The following DCD variants were observed in gnomAD, a reference collection of about 807,000 sequenced individuals.
The protein encoded by DCD is diffusible survival/evasion peptide.
A neutral mutation model predicts 14.5 loss-of-function variants in DCD; 17 were observed. That is an observed-to-expected ratio of 1.18 (90% CI 0.81 to 1.76). The LOEUF (loss-of-function observed/expected upper bound fraction) is 1.76. DCD is among the 40% of genes most tolerant of loss of function. The pLI, the probability that DCD is intolerant of heterozygous loss-of-function variation, is 0.00. For synonymous variants in DCD, 64 were observed against 54.0 expected (o/e 1.19, Z -0.82); for missense variants, 139 against 133.4 (o/e 1.04, Z -0.21).
chr12:54,645,530 A>C (rs368992585), intron 3 of DCD, 76 bp downstream of exon 3: 2 of 1,340,902 alleles, frequency 1.5e-6, no homozygotes, highest in East Asian at 2.3e-5. Context: ...TGTGCCTGTG[A>C]GGGCAGACTG....
At position 54,645,234 on chromosome 12, in the gene DCD, A is replaced by C. The variant is rs1958248646; in HGVS notation, c.228T>G (p.Ala76=). ...TTCCTAGTTTTCCGAGTCCCCCCAC[A>C]GCTTTTTTTGCTCCGTCTAGGCCTT... ...LEKGLDGAKK[A]VGGLGKLGKD... Residue 76 remains alanine (A), a synonymous_variant, in exon 4 of 5, where the codon GCT becomes GCG. Transcript: ENST00000293371. 2 of 1,613,974 alleles carry C rather than the reference A, an allele frequency of 1.2e-6. No individual in the cohort carries two copies. The highest frequency in any genetic ancestry group is 2.7e-5 in the African/African-American group (2 of 74,892).
Position 54,648,349 on chromosome 12 carries a change from T to A in DCD, c.-46A>T. The A allele has an allele frequency of 6.2e-7, 1 of 1,612,418 alleles. No homozygotes were observed. The highest frequency in any genetic ancestry group is 8.5e-7 in the Non-Finnish European group (1 of 1,179,166). Reference sequence around the variant, plus strand: ...GTATGCCACCAAATCCTTGGAGATCTTGGGATCTAGGGTGTCAAGACTGCC... The same window carrying A: ...GTATGCCACCAAATCCTTGGAGATCATGGGATCTAGGGTGTCAAGACTGCC... On this transcript the variant is annotated 5_prime_UTR_variant, in exon 1 of 5. In the 5' UTR this introduces an upstream ATG that the reference lacks. Coordinates refer to ENST00000293371, the MANE Select transcript of DCD (RefSeq NM_053283.4).
rs11338265 is a variant in DCD, at chr12:54,644,624, A to ATTTTTTT, written c.*82_*88dup. Reference sequence around the variant, plus strand: ...GCTTTCAGTTTAATAGCTGTTTTAAATTTTTTTTTTTTTTTTTTTTTTTAG... The same window carrying ATTTTTTT: ...GCTTTCAGTTTAATAGCTGTTTTAAATTTTTTTTTTTTTTTTTTTTTTTTTTTTTTAG... On this transcript the variant is annotated 3_prime_UTR_variant, in exon 5 of 5. Transcript: ENST00000293371. 16 of 651,662 alleles carry ATTTTTTT rather than the reference A, an allele frequency of 2.5e-5. No individual in the cohort carries two copies. The highest frequency in any genetic ancestry group is 9.0e-5 in the East Asian group (3 of 33,270). 40.4% of individuals were successfully genotyped at this position (651,662 alleles called of 1,614,324 possible). A position where few individuals can be genotyped will look rare whatever the true frequency, so the allele number is the denominator to read the frequency against.
chr12:54,646,236 C>A, intron 2 of DCD: 1 of 438,592 alleles, frequency 2.3e-6, no homozygotes, highest in East Asian at 7.0e-5. Context: ...GGTGTTCCCT[C>A]TGGGCTTTAT....
chr12:54,644,686 G>C lies in DCD; in HGVS notation c.*27C>G, dbSNP rs1447283468. The C allele has an allele frequency of 6.7e-7, 1 of 1,491,578 alleles. No homozygotes were observed. The highest frequency in any genetic ancestry group is 9.3e-7 in the Non-Finnish European group (1 of 1,075,492). 92.4% of individuals were successfully genotyped at this position (1,491,578 alleles called of 1,614,324 possible). A position where few individuals can be genotyped will look rare whatever the true frequency, so the allele number is the denominator to read the frequency against. ...AAGACGTAAAGCCTGCTGCTCCTGG[G>C]TATCATTTCTCAGCTTCTCCTTACA... On this transcript the variant is annotated 3_prime_UTR_variant, in exon 5 of 5. Transcript: ENST00000293371.
Position 54,645,660 on chromosome 12 carries a change from G to A in DCD, c.145C>T (p.Pro49Ser), listed in dbSNP as rs1958253844. ...AAQKENAGEDPGLARQAPKPR... is the reference protein window; with the variant it reads ...AAQKENAGEDSGLARQAPKPR... ...TTTGGTGCCTGTCTGGCTAACCCTG[G>A]GTCTTCACCTGCATTTTCCTTTTGA... The change falls in exon 3 of 5, where the codon CCA (proline) becomes TCA (serine). Residue 49 changes from proline (P) to serine (S), a missense_variant. By Grantham distance (74) the Pro-to-Ser change is moderately conservative (BLOSUM62 -1). Transcript: ENST00000293371. 1 of 1,614,130 alleles carries A rather than the reference G, an allele frequency of 6.2e-7. No homozygotes were observed. Among genetic ancestry groups the A allele is most frequent in the South Asian group, 1.1e-5 (1 of 91,074 alleles).
In DCD at chr12:54,644,756, C is replaced by T; in HGVS notation, c.290G>A (p.Gly97Glu). The change falls in exon 5 of 5, where the codon GGA becomes GAA. Residue 97 changes from glycine to glutamate, a missense_variant and splice_region_variant. Physicochemically the swap from Gly to Glu is moderately conservative, Grantham distance 98 (BLOSUM62 -2). Transcript: ENST00000293371. ...AVEDLESVGKGAVHDVKDVLD... is the reference protein window; with the variant it reads ...AVEDLESVGKEAVHDVKDVLD... Reference sequence around the variant, plus strand: ...GACGTCTTTAACGTCATGGACGGCTCCTAGGACAGCCACAGAAAAAAATGG... The same window carrying T: ...GACGTCTTTAACGTCATGGACGGCTTCTAGGACAGCCACAGAAAAAAATGG... 1.2e-6 allele frequency: 2 copies of T among 1,604,360 alleles called. No homozygotes were observed. The highest frequency in any genetic ancestry group is 1.7e-6 in the Non-Finnish European group (2 of 1,174,864).
intron 1 of DCD, 50 bp from the exon 2 acceptor site, chr12:54,647,209 G>A (rs1018710449): frequency 6.5e-7 from 1 of 1,534,036 alleles, no homozygotes; most frequent in Non-Finnish European, 8.8e-7. Context: ...AGTTGCATGA[G>A]CTGTATCCAG....
Position 54,648,011 on chromosome 12 carries a change from G to A in DCD, c.58+235C>T, listed in dbSNP as rs1032472945. On this transcript the variant is annotated intron_variant, in intron 1 of 4. Transcript: ENST00000293371. Reference sequence around the variant, plus strand: ...AGAATGCCAGAGTGGTTGGAGCAGAGTGGGCCAATCACAGACTGAGAGGAG... The same window carrying A: ...AGAATGCCAGAGTGGTTGGAGCAGAATGGGCCAATCACAGACTGAGAGGAG... Among the ~76,000 whole-genome samples the A allele has an allele frequency of 3.9e-5, 6 of 152,230 alleles. 1 individual carries two copies. The highest frequency in any genetic ancestry group is 3.9e-4 in the Admixed American group (6 of 15,284).
At chr12:54,646,451 C>T (rs771201334) in intron 2 of DCD, among the ~76,000 whole-genome samples, 46 of 151,734 alleles carry the variant, frequency 3.0e-4, no homozygotes, top group African/African-American at 5.8e-4. Context: ...TATGGGAAGC[C>T]CAGAAGAGGG....
chr12:54,646,343 A>T (rs185127416), intron 2 of DCD, among the ~76,000 whole-genome samples: 8 of 152,250 alleles, frequency 5.3e-5, no homozygotes, highest in Non-Finnish European at 1.2e-4. Context: ...GCCGTTAATT[A>T]TCCAGAGTGT....
intron 3 of DCD, 50 bp downstream of exon 3, chr12:54,645,556 G>C (rs368033836): frequency 1.3e-6 from 2 of 1,503,050 alleles, no homozygotes; most frequent in Non-Finnish European, 9.2e-7. Flanking sequence ...CAGATATCTT[G>C]CTGTTTCATG....
chr12:54,646,311 C>T (rs933912864), intron 2 of DCD, among the ~76,000 whole-genome samples: 4 of 152,002 alleles, frequency 2.6e-5, no homozygotes, highest in African/African-American at 9.7e-5. Flanking sequence ...TGAAGATGTG[C>T]AGAAATACAG....
Position 54,644,600 on chromosome 12 carries a change from C to A in DCD, c.*113G>T, listed in dbSNP as rs1372111963. The A allele has an allele frequency of 1.5e-5, 12 of 803,692 alleles. No individual in the cohort carries two copies. Among genetic ancestry groups the A allele is most frequent in the African/African-American group, 3.6e-5 (2 of 55,366 alleles). 49.8% of individuals were successfully genotyped at this position (803,692 alleles called of 1,614,324 possible). On this transcript the variant is annotated 3_prime_UTR_variant, in exon 5 of 5. Transcript: ENST00000293371. ...ACACATACTCCAAGTATTACAGATG[C>A]TTTCAGTTTAATAGCTGTTTTAAAT...
Position 54,644,923 on chromosome 12 carries a change from C to T in DCD, c.290-167G>A, listed in dbSNP as rs539008225. The stretch of plus-strand genomic sequence containing the variant: ...GATGGAGGTTAGATTCACAGGAGCC[C>T]CAAAGACCAACCTCTCTTCCCCACC... On this transcript the variant is annotated intron_variant, in intron 4 of 4. Coordinates refer to ENST00000293371, the MANE Select transcript of DCD (RefSeq NM_053283.4). 4.7e-4 allele frequency: 721 copies of T among 1,549,498 alleles called. 7 individuals carry two copies. In the African/African-American group the frequency reaches 9.1e-3, roughly 20 times the overall value.
chr12:54,644,972 C>T (rs1555179839), intron 4 of DCD: 8 of 1,531,584 alleles, frequency 5.2e-6, no homozygotes, highest in Non-Finnish European at 5.3e-6. Flanking sequence ...GGGGCAAGAG[C>T]AATAAAAAAA....
Position 54,647,145 on chromosome 12 carries a change from C to T in DCD, c.73G>A (p.Ala25Thr), listed in dbSNP as rs761933396. The T allele has an allele frequency of 2.1e-5, 33 of 1,562,914 alleles. No homozygotes were observed. The highest frequency in any genetic ancestry group is 5.4e-5 in the African/African-American group (4 of 73,792). ...ALVCAYDPEA[A>T]SAPGSGNPCH... ...CGGTTCCCCGATCCTGGGGCAGAGG[C>T]GGCCTCTGGATCATCTGCAAAGGAG... The change falls in exon 2 of 5, where the codon GCC becomes ACC. Residue 25 changes from alanine to threonine, a missense_variant. Coordinates refer to ENST00000293371, the MANE Select transcript of DCD (RefSeq NM_053283.4).
At position 54,645,018 on chromosome 12, in the gene DCD, A is replaced by G. The variant is rs1958246046; in HGVS notation, c.289+155T>C. Reference sequence around the variant, plus strand: ...AGACCCCAGGAAGTATCAATATCAGACAAGAATGGCAATTTAAATCTGGAT... The same window carrying G: ...AGACCCCAGGAAGTATCAATATCAGGCAAGAATGGCAATTTAAATCTGGAT... On this transcript the variant is annotated intron_variant, in intron 4 of 4. Coordinates refer to ENST00000293371, the MANE Select transcript of DCD (RefSeq NM_053283.4). The G allele has an allele frequency of 1.2e-5, 18 of 1,504,276 alleles. No individual in the cohort carries two copies. In the South Asian group the frequency reaches 1.7e-4, roughly 14 times the overall value. 93.2% of individuals were successfully genotyped at this position (1,504,276 alleles called of 1,614,324 possible). A position where few individuals can be genotyped will look rare whatever the true frequency, so the allele number is the denominator to read the frequency against.
intron 3 of DCD, 44 bp from the exon 4 acceptor site, chr12:54,645,306 C>G: frequency 6.3e-7 from 1 of 1,582,650 alleles, no homozygotes; most frequent in Non-Finnish European, 8.7e-7. Flanking sequence ...AGCAGAAAAA[C>G]TACTTCCTTT....
Sources: allele counts gnomAD v4.1 joint callset (sites outside exome capture counted in the v4.1 genomes callset), GRCh38; gene constraint gnomAD v4.1.1; transcripts MANE v1.5; gene names NCBI Gene and HGNC (gene_info 2026-07-23, HGNC 2026-07-21).